The following MYBPC2 variants were observed in gnomAD, a reference collection of about 807,000 sequenced individuals.
MYBPC2 encodes myosin binding protein C2.
MYBPC2 carries 122 observed loss-of-function variants against 137.0 expected under a neutral mutation model. That is an observed-to-expected ratio of 0.89 (90% CI 0.77 to 1.03). The LOEUF is 1.03. Ranked by LOEUF, MYBPC2 falls within the 50% of genes least tolerant of loss-of-function variation. The pLI is 0.00. For missense variants in MYBPC2, 1,500 were observed against 1,534.4 expected, an observed-to-expected ratio of 0.98 and a Z score of 0.37; for synonymous variants, 626 against 612.3, an observed-to-expected ratio of 1.02 and a Z score of -0.33.
At chr19:50,451,227 G>C (rs2039853959) in intron 14 of MYBPC2, 53 bp from the exon 15 acceptor site, 11 of 1,599,684 alleles carry the variant, frequency 6.9e-6, no homozygotes, top group Non-Finnish European at 8.6e-6. Context: ...TGAAGGTGGG[G>C]TGAGGGGCCT....
intron 5 of MYBPC2, 81 bp from the exon 6 acceptor site, chr19:50,437,392 G>A: frequency 1.4e-6 from 2 of 1,430,286 alleles, no homozygotes; most frequent in South Asian, 1.2e-5. Context: ...AAGAGGTTGT[G>A]CAGGCCTGGA....
chr19:50,443,964 A>G (rs1043257442), intron 11 of MYBPC2, 148 bp downstream of exon 11: 2 of 726,808 alleles, frequency 2.8e-6, no homozygotes, highest in Non-Finnish European at 2.2e-6. Flanking sequence ...GCTTTTCTCT[A>G]TAAATCCTTA....
At chr19:50,441,556 C>A (rs1311367126) in intron 8 of MYBPC2, among the ~76,000 whole-genome samples, 1 of 152,170 alleles carries the variant, frequency 6.6e-6, no homozygotes, top group Non-Finnish European at 1.5e-5. Context: ...AAGCTGTTTT[C>A]AGGCTGGGTG....
chr19:50,462,210 AG>A (rs915110138), intron 26 of MYBPC2, among the ~76,000 whole-genome samples, 174 bp downstream of exon 26: 3 of 151,088 alleles, frequency 2.0e-5, no homozygotes, highest in Admixed American at 6.6e-5. Flanking sequence ...TTTTTGAGAC[AG>A]GGTCTTGCTG....
rs200089371 is a variant in MYBPC2 at position 50,465,058 on chromosome 19, G to A, written c.3415+526G>A. Among the ~76,000 whole-genome samples, 46 of 151,906 alleles carry A rather than the reference G, an allele frequency of 3.0e-4. No homozygotes were observed. Among genetic ancestry groups the A allele is most frequent in the East Asian group, 9.7e-4 (5 of 5,130 alleles). ...CCATATTCCATTTCCAGCCGCCTCC[G>A]TCTCCAGTCTCTCCCTCCTGCCAGC... On this transcript the variant is annotated intron_variant, in intron 27 of 27. Coordinates refer to ENST00000357701, the MANE Select transcript of MYBPC2 (RefSeq NM_004533.4). This position sits in a 1 kb window ranked among gnomAD's most constrained non-coding sequence, Gnocchi z 4.5.
chr19:50,439,948 A>G (rs2039736192), intron 7 of MYBPC2, among the ~76,000 whole-genome samples: 1 of 152,174 alleles, frequency 6.6e-6, no homozygotes. Flanking sequence ...AAGAGAAGGT[A>G]GGGAGAGGTC....
intron 1 of MYBPC2, among the ~76,000 whole-genome samples, chr19:50,434,367 A>C (rs903132393): frequency 6.6e-6 from 1 of 152,162 alleles, no homozygotes; most frequent in Non-Finnish European, 1.5e-5. Flanking sequence ...GAAAAAACAG[A>C]AACAAAAACA....
intron 26 of MYBPC2, among the ~76,000 whole-genome samples, chr19:50,462,866 TCC>T (rs35168582): frequency 1.9e-5 from 2 of 102,840 alleles, no homozygotes; most frequent in African/African-American, 3.0e-5. Context: ...TTTTTCTTTG[TCC>T]CCTGACTGCC....
chr19:50,437,719 G>A lies in MYBPC2; in HGVS notation c.572+1G>A. The A allele has an allele frequency of 6.2e-7, 1 of 1,601,026 alleles. No homozygotes were observed. The highest frequency in any genetic ancestry group is 8.5e-7 in the Non-Finnish European group (1 of 1,173,766). ...ATTTCAGTGGCCTGTTGAAGAAGAG[G>A]TGAGCCCCGGACTTGGCACAGAGAG... On this transcript the variant is annotated splice_donor_variant, in intron 7 of 27. Coordinates refer to ENST00000357701, the MANE Select transcript of MYBPC2 (RefSeq NM_004533.4). LOFTEE classifies it high-confidence loss of function.
At position 50,462,000 on chromosome 19, in the gene MYBPC2, G is replaced by A. The variant is rs750959477; in HGVS notation, c.3192G>A (p.Ser1064=). ...LIDRVVVAGY[S]AALNCAVRGH... ...ACCGCGTGGTCGTGGCTGGGTACTC[G>A]GCAGCCCTCAACTGTGCTGTCAGAG... is the stretch of plus-strand genomic sequence containing the variant. The change falls in exon 26 of 28, where the codon TCG becomes TCA. Residue 1064 remains serine, a synonymous_variant. Coordinates refer to ENST00000357701, the MANE Select transcript of MYBPC2 (RefSeq NM_004533.4). 17 of 1,573,390 alleles carry A rather than the reference G, an allele frequency of 1.1e-5. No individual in the cohort carries two copies. The highest frequency in any genetic ancestry group is 4.7e-5 in the East Asian group (2 of 42,618).
chr19:50,436,184 G>A (rs1175150951), intron 4 of MYBPC2, 24 bp downstream of exon 4: 3 of 1,572,002 alleles, frequency 1.9e-6, no homozygotes, highest in South Asian at 1.2e-5. Context: ...GGGCCAGAGG[G>A]CTGGTGGAGG....
Position 50,451,317 on chromosome 19 carries a change from C to T in MYBPC2, c.1609+8C>T. The stretch of plus-strand genomic sequence containing the variant: ...AGTACGTTCCCAAGCAAGGTGAGCA[C>T]CACGGGCTGCGCTGGGAGCGGGTCT... On this transcript the variant is annotated splice_region_variant and intron_variant, in intron 15 of 27. Coordinates refer to ENST00000357701, the MANE Select transcript of MYBPC2 (RefSeq NM_004533.4). 12 of 1,613,276 alleles carry T rather than the reference C, an allele frequency of 7.4e-6. No individual in the cohort carries two copies. Among genetic ancestry groups the T allele is most frequent in the Non-Finnish European group, 9.3e-6 (11 of 1,179,778 alleles).
chr19:50,455,448 C>G (rs899036623), intron 19 of MYBPC2, 62 bp from the exon 20 acceptor site: 1 of 1,581,594 alleles, frequency 6.3e-7, no homozygotes, highest in African/African-American at 1.3e-5. Context: ...TGACTCCTGC[C>G]CCTTCCTGCT....
intron 13 of MYBPC2, among the ~76,000 whole-genome samples, chr19:50,448,777 C>CT (rs71182719): frequency 0.011 from 1,304 of 123,706 alleles, 7 homozygotes; most frequent in Non-Finnish European, 0.018. Context: ...TTTCTTTTTC[C>CT]TTTTTTTTTT....
chr19:50,462,060 T>A (rs767116833), intron 26 of MYBPC2, 24 bp downstream of exon 26: 1 of 1,561,860 alleles, frequency 6.4e-7, no homozygotes, highest in Non-Finnish European at 8.7e-7. Flanking sequence ...GACCCAGATC[T>A]GCGTGTGTGT....
At chr19:50,462,722 G>A (rs377030134) in intron 26 of MYBPC2, among the ~76,000 whole-genome samples, 38 of 151,986 alleles carry the variant, frequency 2.5e-4, no homozygotes, top group African/African-American at 8.4e-4. Context: ...GATTACAGGC[G>A]TGCACCACCA....
At chr19:50,450,710 C>T (rs1397689462) in intron 13 of MYBPC2, 119 bp from the exon 14 acceptor site, 4 of 690,766 alleles carry the variant, frequency 5.8e-6, no homozygotes, top group Non-Finnish European at 1.0e-5. Context: ...CGTTCCAAAG[C>T]CCTGGATAAG....
chr19:50,455,876 C>T (rs562862135), intron 20 of MYBPC2, among the ~76,000 whole-genome samples: 7 of 152,166 alleles, frequency 4.6e-5, no homozygotes, highest in South Asian at 2.1e-4. Flanking sequence ...TTCTGTCATT[C>T]CATCTATCCT....
chr19:50,436,040 G>A lies in MYBPC2; in HGVS notation c.225G>A (p.Val75=). ...TGKDAVVVAK[V]NGKELPDKPT... is the part of the protein sequence containing the mutation. ...AGGACGCAGTGGTCGTGGCCAAGGT[G>A]AACGGGAAGGAGCTCCCAGACAAAC... The change falls in exon 4 of 28, where the codon GTG becomes GTA. Residue 75 remains valine, a synonymous_variant. Transcript: ENST00000357701. The A allele has an allele frequency of 6.3e-7, 1 of 1,583,498 alleles. No individual in the cohort carries two copies. The highest frequency in any genetic ancestry group is 8.6e-7 in the Non-Finnish European group (1 of 1,164,716).
Sources: allele counts gnomAD v4.1 joint callset (sites outside exome capture counted in the v4.1 genomes callset), GRCh38; gene constraint gnomAD v4.1.1; non-coding constraint Gnocchi (gnomAD v3.1); transcripts MANE v1.5; gene names NCBI Gene and HGNC (gene_info 2026-07-23, HGNC 2026-07-21).